The following NEGR1 variants were observed in gnomAD, a reference collection of about 807,000 sequenced individuals.
NEGR1 encodes IgLON family member 4.
A neutral mutation model predicts 40.9 loss-of-function variants in NEGR1; 10 were observed. The ratio of observed to expected loss-of-function variants is 0.24; its 90% confidence interval spans 0.15 to 0.42. NEGR1 has a LOEUF of 0.42. Ranked by LOEUF, NEGR1 falls within the 10% of genes least tolerant of loss-of-function variation. The pLI is 1.00. For synonymous variants in NEGR1, 185 were observed against 166.8 expected (o/e 1.11, Z -0.84); for missense variants, 352 against 438.9 (o/e 0.80, Z 1.77).
chr1:72,069,722 T>A (rs11808602), intron 1 of NEGR1, among the ~76,000 whole-genome samples: 2,114 of 152,276 alleles, frequency 0.014, 48 homozygotes, highest in African/African-American at 0.048. Flanking sequence ...TCATTTTGTA[T>A]CTAAAATTGA....
chr1:71,705,642 C>T (rs557677724), intron 3 of NEGR1, among the ~76,000 whole-genome samples: 1 of 152,028 alleles, frequency 6.6e-6, no homozygotes, highest in Non-Finnish European at 1.5e-5. Flanking sequence ...ATGGCGCGAA[C>T]CCAGGAGGCA....
At chr1:71,935,349 T>A in intron 1 of NEGR1, 38 bp from the exon 2 acceptor site, 1 of 1,356,616 alleles carries the variant, frequency 7.4e-7, no homozygotes, top group Admixed American at 1.7e-5. Flanking sequence ...TTAATCAAAA[T>A]AAAAATGAGA....
intron 2 of NEGR1, among the ~76,000 whole-genome samples, chr1:71,865,993 T>C (rs983007758): frequency 1.3e-5 from 2 of 152,194 alleles, no homozygotes; most frequent in Non-Finnish European, 2.9e-5. Flanking sequence ...GTGTTGATTA[T>C]GTTATTTTCA....
intron 1 of NEGR1, among the ~76,000 whole-genome samples, chr1:72,188,450 T>C (rs539467958): frequency 1.3e-5 from 2 of 151,632 alleles, no homozygotes; most frequent in East Asian, 1.9e-4. Context: ...AGCTTATTAA[T>C]TGGAAATAAT....
intron 2 of NEGR1, among the ~76,000 whole-genome samples, chr1:71,846,706 G>A (rs906629386): frequency 7.2e-5 from 11 of 152,146 alleles, no homozygotes; most frequent in Non-Finnish European, 1.3e-4. Context: ...ACTGAGAAAT[G>A]CAAGATCAAA....
chr1:72,093,345 A>T (rs1466923565), intron 1 of NEGR1, among the ~76,000 whole-genome samples: 2 of 149,170 alleles, frequency 1.3e-5, no homozygotes, highest in South Asian at 2.1e-4. Flanking sequence ...AAAAAAAAAG[A>T]TGCTCAAATG....
At chr1:71,803,399 G>A (rs1657632358) in intron 2 of NEGR1, among the ~76,000 whole-genome samples, 1 of 152,082 alleles carries the variant, frequency 6.6e-6, no homozygotes, top group South Asian at 2.1e-4. Flanking sequence ...TTCTGTTATG[G>A]TAGCTCAAGC....
chr1:71,578,268 A>G (rs539475406), intron 6 of NEGR1, among the ~76,000 whole-genome samples: 9 of 152,270 alleles, frequency 5.9e-5, no homozygotes, highest in African/African-American at 1.9e-4. Flanking sequence ...GTTATTAGAA[A>G]TGAAAGCAAA....
intron 1 of NEGR1, among the ~76,000 whole-genome samples, chr1:72,155,374 C>A (rs542246820): frequency 6.6e-6 from 1 of 152,086 alleles, no homozygotes; most frequent in South Asian, 2.1e-4. Flanking sequence ...GTAGCCAAAT[C>A]ATATAACCTA....
intron 1 of NEGR1, among the ~76,000 whole-genome samples, chr1:72,250,558 C>G (rs1387089216): frequency 6.6e-6 from 1 of 152,126 alleles, no homozygotes; most frequent in Non-Finnish European, 1.5e-5. Context: ...TTAAGTCAAT[C>G]TACTTTCATT....
At chr1:72,024,907 A>T (rs753481900) in intron 1 of NEGR1, among the ~76,000 whole-genome samples, 6 of 152,180 alleles carry the variant, frequency 3.9e-5, no homozygotes, top group Non-Finnish European at 8.8e-5. Flanking sequence ...TAGAATGGTA[A>T]ATTCAGATTT....
At chr1:72,177,044 T>A (rs1446748519) in intron 1 of NEGR1, among the ~76,000 whole-genome samples, 2 of 152,048 alleles carry the variant, frequency 1.3e-5, no homozygotes, top group Non-Finnish European at 2.9e-5. Context: ...ACTAAAGAAA[T>A]AATTATATCA....
At chr1:72,009,030 A>C (rs1036795689) in intron 1 of NEGR1, among the ~76,000 whole-genome samples, 6 of 151,692 alleles carry the variant, frequency 4.0e-5, no homozygotes, top group Non-Finnish European at 7.4e-5. Flanking sequence ...GAAAGAAAGA[A>C]GGGGGAGTGA....
chr1:72,092,860 C>T (rs771306604), intron 1 of NEGR1, among the ~76,000 whole-genome samples: 2 of 152,120 alleles, frequency 1.3e-5, no homozygotes, highest in African/African-American at 2.4e-5. Flanking sequence ...CCATTGTGCC[C>T]AGGCTGGTCT....
At chr1:71,578,870 C>T (rs542191020) in intron 6 of NEGR1, among the ~76,000 whole-genome samples, 1 of 152,040 alleles carries the variant, frequency 6.6e-6, no homozygotes, top group African/African-American at 2.4e-5. Flanking sequence ...AAAATTGGCA[C>T]AAGCATATCT....
intron 1 of NEGR1, among the ~76,000 whole-genome samples, chr1:72,226,972 A>G (rs1405876064): frequency 6.6e-6 from 1 of 152,088 alleles, no homozygotes; most frequent in East Asian, 1.9e-4. Flanking sequence ...CTTTCAGAAC[A>G]AAATGGAACC....
intron 1 of NEGR1, among the ~76,000 whole-genome samples, chr1:72,005,703 A>G (rs1195865436): frequency 6.6e-6 from 1 of 152,144 alleles, no homozygotes. Context: ...TTTTATTTAA[A>G]TAGTAAGATC....
intron 4 of NEGR1, among the ~76,000 whole-genome samples, chr1:71,640,783 A>G (rs567682801): frequency 6.6e-6 from 1 of 152,144 alleles, no homozygotes; most frequent in African/African-American, 2.4e-5. Flanking sequence ...TGGAGTGACC[A>G]AATATCTTCT....
intron 1 of NEGR1, among the ~76,000 whole-genome samples, chr1:72,126,503 T>G (rs759152054): frequency 3.3e-5 from 5 of 152,162 alleles, no homozygotes; most frequent in Non-Finnish European, 7.3e-5. Flanking sequence ...GCACACTCAG[T>G]AGAAGCAGCA....
Sources: gnomAD v4.1 joint callset for allele counts (sites outside exome capture counted in the v4.1 genomes callset) on GRCh38, gnomAD v4.1.1 for gene constraint, MANE v1.5 for transcripts, NCBI Gene and HGNC (gene_info 2026-07-23, HGNC 2026-07-21) for gene names.